Variants in PDE4D observed in about 807,000 individuals in gnomAD.
PDE4D encodes 3',5'-cyclic-AMP phosphodiesterase 4D.
In PDE4D, 24 loss-of-function variants were observed where a neutral mutation model predicts 87.4. That is an observed-to-expected ratio of 0.27 (90% CI 0.20 to 0.39). PDE4D has a LOEUF of 0.39. Among genes scored for constraint, PDE4D ranks in the 10% least tolerant of loss-of-function variants. PDE4D has a pLI of 1.00. For synonymous variants in PDE4D, 384 were observed against 383.2 expected (o/e 1.00, Z -0.02); for missense variants, 714 against 1,041.0 (o/e 0.69, Z 4.32).
intron 1 of PDE4D, among the ~76,000 whole-genome samples, chr5:60,265,556 T>C (rs1465066316): frequency 1.3e-5 from 2 of 152,172 alleles, no homozygotes; most frequent in East Asian, 3.9e-4. Flanking sequence ...ATTCCAAGCC[T>C]TAACCTGACA....
intron 4 of PDE4D, among the ~76,000 whole-genome samples, chr5:59,181,563 T>C (rs1223771384): frequency 2.0e-5 from 2 of 101,498 alleles, no homozygotes; most frequent in African/African-American, 6.8e-5. Context: ...TATATATATA[T>C]ATATATATTA....
chr5:60,423,317 A>G (rs1743312472), intron 1 of PDE4D, among the ~76,000 whole-genome samples: 1 of 152,242 alleles, frequency 6.6e-6, no homozygotes, highest in African/African-American at 2.4e-5. Context: ...CAGCAAATGT[A>G]AAAGAACAGA....
intron 1 of PDE4D, among the ~76,000 whole-genome samples, chr5:59,809,806 C>A (rs571646956): frequency 6.6e-5 from 10 of 152,300 alleles, no homozygotes; most frequent in African/African-American, 2.4e-4. Context: ...CTACTCCTGA[C>A]TTAGATTCAG....
chr5:58,990,308 G>A (rs529308094), intron 9 of PDE4D, among the ~76,000 whole-genome samples: 2 of 152,050 alleles, frequency 1.3e-5, no homozygotes, highest in African/African-American at 4.8e-5. Context: ...TTTCGGTCCC[G>A]AGATATCTAC....
intron 2 of PDE4D, among the ~76,000 whole-genome samples, chr5:60,047,074 C>A (rs1051393549): frequency 2.0e-5 from 3 of 152,192 alleles, no homozygotes; most frequent in Admixed American, 2.0e-4. Context: ...AGAGATTCAA[C>A]TTCTTCCTGG....
intron 1 of PDE4D, among the ~76,000 whole-genome samples, chr5:59,380,405 A>AAAAAG (rs1554148718): frequency 7.2e-6 from 1 of 137,970 alleles, no homozygotes; most frequent in Non-Finnish European, 1.5e-5. Flanking sequence ...AAAAAAAAAA[A>AAAAAG]AGAGAGAGAA....
intron 5 of PDE4D, among the ~76,000 whole-genome samples, chr5:59,179,097 T>C (rs1009979633): frequency 6.6e-6 from 1 of 152,184 alleles, no homozygotes; most frequent in Non-Finnish European, 1.5e-5. Flanking sequence ...GGAATTGTTA[T>C]TGTTCATCTC....
intron 1 of PDE4D, among the ~76,000 whole-genome samples, chr5:60,322,662 G>A (rs551521181): frequency 6.6e-6 from 1 of 152,178 alleles, no homozygotes; most frequent in East Asian, 1.9e-4. Flanking sequence ...TGAAATAGCT[G>A]TCAGAGCCCT....
intron 4 of PDE4D, among the ~76,000 whole-genome samples, chr5:59,182,423 G>A (rs1741877607): frequency 6.6e-6 from 1 of 151,508 alleles, no homozygotes; most frequent in Admixed American, 6.6e-5. Flanking sequence ...CACCATGCTT[G>A]GCTAATTAAT....
intron 1 of PDE4D, among the ~76,000 whole-genome samples, chr5:60,327,477 C>T (rs549630257): frequency 1.3e-5 from 2 of 152,234 alleles, no homozygotes; most frequent in East Asian, 3.9e-4. Flanking sequence ...TTTGCATCTG[C>T]TGTTATTCAA....
At chr5:59,590,188 C>T (rs1463604257) in intron 1 of PDE4D, among the ~76,000 whole-genome samples, 2 of 152,110 alleles carry the variant, frequency 1.3e-5, no homozygotes, top group South Asian at 2.1e-4. Context: ...AGAGTTATGT[C>T]TACTAATTTA....
At chr5:60,281,345 T>A (rs1363341819) in intron 1 of PDE4D, among the ~76,000 whole-genome samples, 1 of 125,904 alleles carries the variant, frequency 7.9e-6, no homozygotes, top group Admixed American at 7.4e-5. Flanking sequence ...CCTTCAGATT[T>A]CCCTATTTCA....
intron 1 of PDE4D, among the ~76,000 whole-genome samples, chr5:59,623,124 A>C (rs568921712): frequency 2.0e-5 from 3 of 152,350 alleles, no homozygotes; most frequent in Admixed American, 2.0e-4. Context: ...AAACGTTAAA[A>C]TAATAAATAA....
chr5:59,135,383 G>A (rs1252029415), intron 5 of PDE4D, among the ~76,000 whole-genome samples: 1 of 152,168 alleles, frequency 6.6e-6, no homozygotes, highest in Non-Finnish European at 1.5e-5. Context: ...AGAGATGTTA[G>A]GGACATTATA....
Position 59,288,514 on chromosome 5 carries a change from G to C in PDE4D, c.456-72546C>G, listed in dbSNP as rs1767421972. 2.0e-5 allele frequency among the ~76,000 whole-genome samples: 3 copies of C among 151,984 alleles called. No individual in the cohort carries two copies. In the South Asian group the frequency reaches 6.2e-4, roughly 32 times the overall value. On this transcript the variant is annotated intron_variant, in intron 1 of 14. Coordinates refer to ENST00000340635, the MANE Select transcript of PDE4D (RefSeq NM_001104631.2). ...TGACCTTAAAAAAAAGTTAGAAAGA[G>C]AGATGGGGGTAGAAAATTTATTCAA...
chr5:59,373,388 T>C (rs1366071192), intron 1 of PDE4D, among the ~76,000 whole-genome samples: 1 of 152,126 alleles, frequency 6.6e-6, no homozygotes, highest in Admixed American at 6.5e-5. Context: ...TAATTACAAG[T>C]ACTAATAACA....
intron 6 of PDE4D, chr5:59,002,092 T>C (rs1302085317): frequency 5.8e-6 from 3 of 514,636 alleles, no homozygotes; most frequent in South Asian, 4.2e-5. Context: ...TGAATCCAAA[T>C]ATTTAAAAGA....
At chr5:59,229,450 G>A (rs1389878168) in intron 1 of PDE4D, among the ~76,000 whole-genome samples, 5 of 152,110 alleles carry the variant, frequency 3.3e-5, no homozygotes, top group Admixed American at 6.6e-5. Context: ...GCATTTTAAC[G>A]GGGGTTATTT....
intron 1 of PDE4D, among the ~76,000 whole-genome samples, chr5:60,411,850 C>T (rs1742071063): frequency 6.6e-6 from 1 of 152,104 alleles, no homozygotes; most frequent in African/African-American, 2.4e-5. Context: ...TCTCAATTTA[C>T]ATACTAGTTT....
Sources: allele counts gnomAD v4.1 joint callset (sites outside exome capture counted in the v4.1 genomes callset), GRCh38; gene constraint gnomAD v4.1.1; transcripts MANE v1.5; gene names NCBI Gene and HGNC (gene_info 2026-07-23, HGNC 2026-07-21).